Variants in MACROD2 observed in about 807,000 individuals in gnomAD.
MACROD2 encodes mono-ADP ribosylhydrolase 2, also known as ADP-ribose glycohydrolase MACROD2.
MACROD2 carries 36 observed loss-of-function variants against 70.4 expected under a neutral mutation model. That is an observed-to-expected ratio of 0.51 (90% confidence interval 0.39 to 0.68). The LOEUF (loss-of-function observed/expected upper bound fraction) is 0.68, where lower values mean the gene tolerates loss of function less well. MACROD2 is among the 30% of genes least tolerant of loss of function. The pLI is 0.00. For synonymous variants in MACROD2, 172 were observed against 178.8 expected (o/e 0.96, Z 0.30); for missense variants, 496 against 538.4 (o/e 0.92, Z 0.78).
chr20:14,612,060 T>A (rs1275658362), intron 4 of MACROD2, among the ~76,000 whole-genome samples: 2 of 152,124 alleles, frequency 1.3e-5, no homozygotes, highest in Non-Finnish European at 2.9e-5. Context: ...TTAATCAAAT[T>A]GGCATTTAAA....
chr20:16,044,785 C>T, intron 17 of MACROD2, 146 bp downstream of exon 17: 2 of 703,212 alleles, frequency 2.8e-6, no homozygotes, highest in Non-Finnish European at 4.9e-6. Context: ...CCAAATAACA[C>T]AGCGTAAGGG....
chr20:15,674,628 C>T lies in MACROD2; in HGVS notation c.645+174781C>T, dbSNP rs1465044564. ...TGTGCCCTCTATCAGTCTCTGCTGC[C>T]CACTGAACTGTGAACCCTTAATGTC... On this transcript the variant is annotated intron_variant, in intron 8 of 17. Coordinates refer to ENST00000684519, the MANE Select transcript of MACROD2 (RefSeq NM_001351661.2). 1.1e-4 allele frequency among the ~76,000 whole-genome samples: 16 copies of T among 151,996 alleles called. 1 individual carries two copies. Among genetic ancestry groups the T allele is most frequent in the African/African-American group, 3.6e-4 (15 of 41,362 alleles).
intron 4 of MACROD2, among the ~76,000 whole-genome samples, chr20:14,581,368 AC>A (rs1176770285): frequency 6.6e-6 from 1 of 152,182 alleles, no homozygotes; most frequent in Non-Finnish European, 1.5e-5. Flanking sequence ...AAATCTCTTT[AC>A]CTGATTCCAG....
chr20:14,425,219 A>C (rs539094513), intron 3 of MACROD2, among the ~76,000 whole-genome samples: 67 of 152,248 alleles, frequency 4.4e-4, no homozygotes, highest in African/African-American at 1.6e-3. Context: ...TCATATCTTT[A>C]AGTACATTTC....
chr20:15,078,120 G>A (rs528126915), intron 5 of MACROD2, among the ~76,000 whole-genome samples: 64 of 152,234 alleles, frequency 4.2e-4, no homozygotes, highest in Middle Eastern at 3.4e-3. Context: ...GGAGTTTATC[G>A]GGTCCTGGGG....
intron 8 of MACROD2, among the ~76,000 whole-genome samples, chr20:15,648,043 T>G (rs556443624): frequency 2.5e-4 from 38 of 152,222 alleles, no homozygotes; most frequent in African/African-American, 8.7e-4. Context: ...CAATTTTAAC[T>G]GAAGGCTTTC....
intron 6 of MACROD2, among the ~76,000 whole-genome samples, chr20:15,309,433 A>T (rs2077729961): frequency 6.6e-6 from 1 of 152,126 alleles, no homozygotes; most frequent in East Asian, 1.9e-4. Flanking sequence ...CATCACCCTA[A>T]TTGGCACCTA....
chr20:14,060,625 T>A (rs764238815), intron 2 of MACROD2, among the ~76,000 whole-genome samples: 1 of 151,124 alleles, frequency 6.6e-6, no homozygotes, highest in Admixed American at 6.6e-5. Flanking sequence ...ATTCGTAATC[T>A]TCTTTGTGCT....
intron 11 of MACROD2, among the ~76,000 whole-genome samples, chr20:15,934,092 A>T (rs1208284338): frequency 1.3e-5 from 2 of 152,048 alleles, no homozygotes; most frequent in African/African-American, 4.8e-5. Flanking sequence ...CACCAACATA[A>T]CCAGCAAAAA....
At chr20:15,221,394 G>A (rs1433075062) in intron 5 of MACROD2, among the ~76,000 whole-genome samples, 1 of 152,148 alleles carries the variant, frequency 6.6e-6, no homozygotes, top group Non-Finnish European at 1.5e-5. Flanking sequence ...TGAAATGTTG[G>A]AATTCTGCAG....
intron 5 of MACROD2, among the ~76,000 whole-genome samples, chr20:15,160,511 C>A (rs2076341129): frequency 6.6e-6 from 1 of 151,990 alleles, no homozygotes; most frequent in African/African-American, 2.4e-5. Flanking sequence ...TTTATAAGAC[C>A]TCCTTTAGTG....
chr20:14,304,502 C>T (rs1199372339), intron 3 of MACROD2, among the ~76,000 whole-genome samples: 2 of 152,228 alleles, frequency 1.3e-5, no homozygotes, highest in East Asian at 1.9e-4. Context: ...CTAAACTCCC[C>T]CACGCTCATT....
intron 5 of MACROD2, among the ~76,000 whole-genome samples, chr20:14,840,033 C>CTTTTTTTTTTTTTTTTTTTTT (rs71190154): frequency 7.0e-6 from 1 of 142,492 alleles, no homozygotes. Flanking sequence ...GTCTCCATGT[C>CTTTTTTTTTTTTTTTTTTTTT]TTTTTTTTTT....
At chr20:14,466,422 GTTATCCATTCGTCTA>G (rs2084450251) in intron 3 of MACROD2, among the ~76,000 whole-genome samples, 1 of 151,980 alleles carries the variant, frequency 6.6e-6, no homozygotes, top group African/African-American at 2.4e-5. Flanking sequence ...GGTTATTCTA[GTTATCCATTCGTCTA>G]ATTTTTTTTC....
At chr20:15,013,888 G>A (rs544033176) in intron 5 of MACROD2, among the ~76,000 whole-genome samples, 1 of 152,320 alleles carries the variant, frequency 6.6e-6, no homozygotes, top group East Asian at 1.9e-4. Flanking sequence ...CAGAAGGATG[G>A]CAGTAAACTG....
chr20:14,320,257 G>C (rs1912973837), intron 3 of MACROD2, among the ~76,000 whole-genome samples: 2 of 151,876 alleles, frequency 1.3e-5, no homozygotes, highest in East Asian at 3.8e-4. Context: ...TTTTTTTACT[G>C]TATCTTTTTA....
chr20:14,335,943 T>A (rs1160415061), intron 3 of MACROD2, among the ~76,000 whole-genome samples: 2 of 152,194 alleles, frequency 1.3e-5, no homozygotes, highest in Non-Finnish European at 2.9e-5. Flanking sequence ...TGGCATATTA[T>A]CATTAATATT....
chr20:15,255,455 C>T (rs758929086), intron 6 of MACROD2, among the ~76,000 whole-genome samples: 1 of 152,116 alleles, frequency 6.6e-6, no homozygotes, highest in Non-Finnish European at 1.5e-5. Flanking sequence ...TGGCAATCAT[C>T]ACTTTGACAG....
chr20:15,364,942 G>C (rs1420562052), intron 6 of MACROD2, among the ~76,000 whole-genome samples: 1 of 152,212 alleles, frequency 6.6e-6, no homozygotes, highest in Admixed American at 6.5e-5. Context: ...GAAGTCTAAA[G>C]TGAGTCATGA....
Sources: allele counts gnomAD v4.1 joint callset (sites outside exome capture counted in the v4.1 genomes callset), GRCh38; gene constraint gnomAD v4.1.1; transcripts MANE v1.5; gene names NCBI Gene and HGNC (gene_info 2026-07-23, HGNC 2026-07-21).